PNPT1: variants seen among roughly 807,000 people sequenced by gnomAD.
PNPT1 encodes polyribonucleotide nucleotidyltransferase 1, also known as polyribonucleotide nucleotidyltransferase 1, mitochondrial.
Under a neutral mutation model 119.5 loss-of-function variants are expected in PNPT1, and 53 were observed. The ratio of observed to expected loss-of-function variants is 0.44; its 90% CI spans 0.36 to 0.56. The LOEUF is 0.56. Ranked by LOEUF, PNPT1 falls within the 20% of genes least tolerant of loss-of-function variation. The pLI is 0.00. For synonymous variants in PNPT1, 357 were observed against 322.1 expected (o/e 1.11, Z -1.16); for missense variants, 948 against 938.5 (o/e 1.01, Z -0.13).
At chr2:55,664,926 T>C (rs1047833951) in intron 13 of PNPT1, among the ~76,000 whole-genome samples, 2 of 152,256 alleles carry the variant, frequency 1.3e-5, no homozygotes. Flanking sequence ...ATTATAATTA[T>C]AAATCCTAGA....
chr2:55,659,131 C>G (rs1214419924), intron 15 of PNPT1, among the ~76,000 whole-genome samples: 1 of 151,896 alleles, frequency 6.6e-6, no homozygotes, highest in Non-Finnish European at 1.5e-5. Flanking sequence ...ATTTTTAGAT[C>G]TTCTTGTAGA....
chr2:55,650,913 G>A (rs1230079705), intron 18 of PNPT1, among the ~76,000 whole-genome samples: 2 of 145,884 alleles, frequency 1.4e-5, no homozygotes, highest in Admixed American at 6.8e-5. Flanking sequence ...TCAGCCCCCC[G>A]CCCGGCCAGC....
At chr2:55,650,270 C>G (rs1026407554) in intron 18 of PNPT1, among the ~76,000 whole-genome samples, 3 of 152,178 alleles carry the variant, frequency 2.0e-5, no homozygotes, top group Non-Finnish European at 4.4e-5. Flanking sequence ...AGCCTGCCGA[C>G]TGCCTGCGAT....
At chr2:55,692,151 C>T (rs1697638090) in intron 1 of PNPT1, among the ~76,000 whole-genome samples, 1 of 151,924 alleles carries the variant, frequency 6.6e-6, no homozygotes, top group South Asian at 2.1e-4. Context: ...TCCCAAAGTG[C>T]TCGGATTACA....
chr2:55,648,490 T>C (rs946137739), intron 18 of PNPT1, among the ~76,000 whole-genome samples: 23 of 152,230 alleles, frequency 1.5e-4, no homozygotes, highest in African/African-American at 5.5e-4. Context: ...TATATTCTTA[T>C]TAATTCTTGT....
At chr2:55,663,589 A>T (rs1471165120) in intron 13 of PNPT1, among the ~76,000 whole-genome samples, 1 of 152,232 alleles carries the variant, frequency 6.6e-6, no homozygotes, top group Admixed American at 6.5e-5. Flanking sequence ...ACCAAAGATG[A>T]GGTGCAAATC....
At chr2:55,653,210 G>A (rs1394149146) in intron 18 of PNPT1, among the ~76,000 whole-genome samples, 23 of 152,016 alleles carry the variant, frequency 1.5e-4, no homozygotes, top group Non-Finnish European at 1.5e-5. Context: ...TCTTGTTGAG[G>A]GTCACGATCA....
intron 13 of PNPT1, among the ~76,000 whole-genome samples, chr2:55,662,973 T>G (rs1024085297): frequency 6.6e-6 from 1 of 151,596 alleles, no homozygotes; most frequent in African/African-American, 2.4e-5. Context: ...CTCCATCTCC[T>G]GGGTTCAGAC....
chr2:55,680,939 T>G, intron 5 of PNPT1, 21 bp from the exon 6 acceptor site: 1 of 1,605,006 alleles, frequency 6.2e-7, no homozygotes, highest in Non-Finnish European at 8.5e-7. Flanking sequence ...GGAAAAAATT[T>G]GATTTGGAAG....
chr2:55,667,595 A>ACT (rs2104108749), intron 12 of PNPT1, among the ~76,000 whole-genome samples: 1 of 152,090 alleles, frequency 6.6e-6, no homozygotes, highest in African/African-American at 2.4e-5. Flanking sequence ...CAAAAAAAAA[A>ACT]AACAAAAAAC....
intron 1 of PNPT1, among the ~76,000 whole-genome samples, chr2:55,689,200 G>C (rs1697515573): frequency 6.6e-6 from 1 of 152,212 alleles, no homozygotes; most frequent in South Asian, 2.1e-4. Flanking sequence ...TAAGGGACTT[G>C]TGTTAATATC....
At chr2:55,661,619 G>C (rs567089242) in intron 14 of PNPT1, among the ~76,000 whole-genome samples, 1 of 152,128 alleles carries the variant, frequency 6.6e-6, no homozygotes, top group Non-Finnish European at 1.5e-5. Flanking sequence ...GGGAGCTTTC[G>C]TGTATTCATT....
intron 25 of PNPT1, among the ~76,000 whole-genome samples, chr2:55,641,959 A>G (rs1482778412): frequency 6.6e-6 from 1 of 151,730 alleles, no homozygotes; most frequent in Non-Finnish European, 1.5e-5. Flanking sequence ...CTCCTGCCTC[A>G]GCCTCCTGAG....
At chr2:55,664,249 G>A (rs1049797338) in intron 13 of PNPT1, among the ~76,000 whole-genome samples, 5 of 152,136 alleles carry the variant, frequency 3.3e-5, no homozygotes, top group African/African-American at 4.8e-5. Flanking sequence ...AGGATAGAAG[G>A]GGCAGGAAAT....
intron 22 of PNPT1, 113 bp from the exon 23 acceptor site, chr2:55,644,833 A>G (rs1040078265): frequency 1.6e-5 from 9 of 548,692 alleles, no homozygotes; most frequent in Non-Finnish European, 2.8e-5. Flanking sequence ...ATGTAAAAAT[A>G]TTTTACTATA....
chr2:55,640,198 G>T (rs1347070706), intron 26 of PNPT1, among the ~76,000 whole-genome samples: 2 of 151,976 alleles, frequency 1.3e-5, no homozygotes, highest in African/African-American at 4.8e-5. Flanking sequence ...TCTGTCGCCA[G>T]ACTGGAGTGC....
intron 3 of PNPT1, 35 bp downstream of exon 3, chr2:55,686,335 C>G: frequency 3.2e-6 from 5 of 1,556,730 alleles, no homozygotes; most frequent in Non-Finnish European, 4.4e-6. Context: ...TTACTCAGAC[C>G]ATATTACAGT....
intron 1 of PNPT1, among the ~76,000 whole-genome samples, chr2:55,693,048 C>T (rs973665337): frequency 7.2e-5 from 11 of 152,046 alleles, no homozygotes; most frequent in African/African-American, 2.4e-4. Context: ...CATCTCTGTG[C>T]GTGTGTGGCT....
In PNPT1 at chr2:55,640,680, A is replaced by C. The variant is rs1171936182; in HGVS notation, c.2095T>G (p.Tyr699Asp). The change falls in exon 26 of 28, where the codon TAT becomes GAT. Residue 699 changes from tyrosine to aspartate, a missense_variant. Coordinates refer to ENST00000447944, the MANE Select transcript of PNPT1 (RefSeq NM_033109.5). ...IRDTGVMVKL[Y>D]PNMTAVLLHN... is the part of the protein sequence containing the mutation. Reference sequence around the variant, plus strand: ...AGCAGTACCGCAGTCATATTTGGATATAATTTTACCATTACACCAGTATCT... The same window carrying C: ...AGCAGTACCGCAGTCATATTTGGATCTAATTTTACCATTACACCAGTATCT... 1 of 1,590,936 alleles carries C rather than the reference A, an allele frequency of 6.3e-7. No homozygotes were observed. Among genetic ancestry groups the C allele is most frequent in the Admixed American group, 1.7e-5 (1 of 59,904 alleles).
Sources: gnomAD v4.1 joint callset for allele counts (sites outside exome capture counted in the v4.1 genomes callset) on GRCh38, gnomAD v4.1.1 for gene constraint, MANE v1.5 for transcripts, NCBI Gene and HGNC (gene_info 2026-07-23, HGNC 2026-07-21) for gene names.